Variants in MYO18B observed in about 807,000 individuals in gnomAD.
MYO18B encodes myosin XVIIIB, also known as unconventional myosin-XVIIIb.
Under a neutral mutation model 273.0 loss-of-function variants are expected in MYO18B, and 204 were observed. The ratio of observed to expected loss-of-function variants is 0.75; its 90% CI spans 0.67 to 0.84. The LOEUF is 0.84. MYO18B is among the 40% of genes least tolerant of loss of function. The pLI is 0.00. For missense variants in MYO18B, 3,212 were observed against 3,287.6 expected, an observed-to-expected ratio of 0.98 and a Z score of 0.56; for synonymous variants, 1,330 against 1,305.7, an observed-to-expected ratio of 1.02 and a Z score of -0.40.
chr22:25,877,967 T>C lies in MYO18B; in HGVS notation c.4233T>C (p.Leu1411=), dbSNP rs2091246109. ...TGTGTTTGTTTTTGTAGGAGGAGCT[T>C]ACAACGCTAAGACGGAAGCTAGAAA... ...TEQLRAKEEE[L]TTLRRKLEKS... Residue 1411 remains leucine (L), a synonymous_variant, in exon 25 of 44, where the codon CTT becomes CTC. Transcript: ENST00000335473. 6.4e-7 allele frequency: 1 copy of C among 1,573,514 alleles called. No homozygotes were observed. The highest frequency in any genetic ancestry group is 8.6e-7 in the Non-Finnish European group (1 of 1,159,008).
chr22:26,035,114 G>T (rs1264777211), downstream of MYO18B, among the ~76,000 whole-genome samples: 2 of 152,176 alleles, frequency 1.3e-5, no homozygotes, highest in African/African-American at 4.8e-5. Flanking sequence ...AACACCAGGG[G>T]TTTGGCCTAA....
chr22:25,950,518 A>ATGTG (rs59002655), intron 37 of MYO18B, 68 bp downstream of exon 37: 1,097 of 605,942 alleles, frequency 1.8e-3, no homozygotes, highest in African/African-American at 4.8e-3. Flanking sequence ...AACTAATAGG[A>ATGTG]TGTGTGTGTG....
intron 39 of MYO18B, among the ~76,000 whole-genome samples, chr22:25,962,252 G>A (rs2092925733): frequency 6.6e-6 from 1 of 152,074 alleles, no homozygotes; most frequent in African/African-American, 2.4e-5. Flanking sequence ...CCTCCTTTGT[G>A]TTCCCGTACC....
chr22:25,851,353 G>T (rs1257758592), intron 20 of MYO18B, 117 bp from the exon 21 acceptor site: 1 of 682,052 alleles, frequency 1.5e-6, no homozygotes, highest in African/African-American at 1.8e-5. Flanking sequence ...CATGCAGCAA[G>T]TTAGTAGCCA....
chr22:25,836,823 G>A (rs2089916085), intron 17 of MYO18B, among the ~76,000 whole-genome samples: 1 of 152,048 alleles, frequency 6.6e-6, no homozygotes, highest in African/African-American at 2.4e-5. Flanking sequence ...TTAGCTGGGT[G>A]TGATGGCGCA....
Position 25,815,751 on chromosome 22 carries a change from T to C in MYO18B, c.2522-7754T>C, listed in dbSNP as rs535944728. ...TGTAAATTCCGCATACATGTTGGCA[T>C]ATTCAAGGTTCTGACAAGTCCTGCA... On this transcript the variant is annotated intron_variant, in intron 12 of 43. Transcript: ENST00000335473. 1.6e-3 allele frequency among the ~76,000 whole-genome samples: 241 copies of C among 152,326 alleles called. 3 individuals are homozygous for C. The highest frequency in any genetic ancestry group is 3.5e-3 in the Admixed American group (54 of 15,294).
At chr22:25,765,704 G>GT (rs2086479675) in intron 3 of MYO18B, among the ~76,000 whole-genome samples, 1 of 152,032 alleles carries the variant, frequency 6.6e-6, no homozygotes, top group African/African-American at 2.4e-5. Context: ...GGGTGGCAGG[G>GT]TGGGGGGACC....
chr22:25,822,683 A>G (rs2089327197), intron 12 of MYO18B, among the ~76,000 whole-genome samples: 1 of 152,222 alleles, frequency 6.6e-6, no homozygotes, highest in Admixed American at 6.5e-5. Context: ...GAAGAGGTTT[A>G]TTTGGCCGGG....
At chr22:26,005,747 C>G (rs529539825) in intron 42 of MYO18B, among the ~76,000 whole-genome samples, 1 of 152,262 alleles carries the variant, frequency 6.6e-6, no homozygotes, top group African/African-American at 2.4e-5. Flanking sequence ...CCCAGACAAC[C>G]GCTTCCTGAC....
intron 20 of MYO18B, among the ~76,000 whole-genome samples, chr22:25,851,091 G>T (rs2090414015): frequency 6.6e-6 from 1 of 152,176 alleles, no homozygotes; most frequent in African/African-American, 2.4e-5. Context: ...ACGGGTTTGG[G>T]AACCTCTGGG....
intron 39 of MYO18B, among the ~76,000 whole-genome samples, chr22:25,979,313 C>T (rs973821753): frequency 2.6e-5 from 4 of 152,264 alleles, no homozygotes; most frequent in South Asian, 2.1e-4. Context: ...TCAGTATATG[C>T]GGTGCAGATA....
Position 25,903,624 on chromosome 22 carries a change from T to C in MYO18B, c.4948-7T>C, listed in dbSNP as rs371880664. The C allele has an allele frequency of 6.0e-5, 95 of 1,596,598 alleles. 1 individual carries two copies. The Middle Eastern group carries it at 1.2e-3, about 20-fold the overall frequency. On this transcript the variant is annotated splice_polypyrimidine_tract_variant and splice_region_variant and intron_variant, in intron 30 of 43. Transcript: ENST00000335473. Reference sequence around the variant, plus strand: ...ACTCCAGATCTCTGTCCTCTTTGTCTCTGTAGCAAAAGGAGCAGGAAGCCT... The same window carrying C: ...ACTCCAGATCTCTGTCCTCTTTGTCCCTGTAGCAAAAGGAGCAGGAAGCCT...
At chr22:25,806,096 A>C (rs781073230) in intron 12 of MYO18B, among the ~76,000 whole-genome samples, 2 of 152,190 alleles carry the variant, frequency 1.3e-5, no homozygotes, top group Non-Finnish European at 2.9e-5. Context: ...GGCCTGGTAC[A>C]TAGTATGTGC....
Position 25,847,580 on chromosome 22 carries a change from C to T in MYO18B, c.3703C>T (p.Leu1235=), listed in dbSNP as rs2146023704. The T allele has an allele frequency of 6.4e-7, 1 of 1,566,900 alleles. No homozygotes were observed. The highest frequency in any genetic ancestry group is 8.7e-7 in the Non-Finnish European group (1 of 1,155,894). Residue 1235 remains leucine, a synonymous_variant, in exon 20 of 44, where the codon CTG becomes TTG. Transcript: ENST00000335473. The part of the protein sequence containing the change: ...DKPGAGGPLA[L]DIPALRVQLA... ...GCCTGGGGCAGGTGGACCTCTGGCC[C>T]TGGATATCCCAGCACTGAGGGTCCA...
chr22:25,792,298 G>A (rs60992305), intron 11 of MYO18B, among the ~76,000 whole-genome samples: 2,764 of 152,034 alleles, frequency 0.018, 81 homozygotes, highest in African/African-American at 0.055. Context: ...AACAGAATAC[G>A]TGCTCAGTGA....
chr22:26,059,908 A>T, the MYO18B span, among the ~76,000 whole-genome samples: 1 of 152,238 alleles, frequency 6.6e-6, no homozygotes, highest in African/African-American at 2.4e-5. Flanking sequence ...ACGTGTTGGC[A>T]TGTCCTAAAG....
intron 33 of MYO18B, among the ~76,000 whole-genome samples, chr22:25,916,053 C>A (rs1286707453): frequency 2.0e-5 from 3 of 152,044 alleles, no homozygotes; most frequent in Non-Finnish European, 2.9e-5. Context: ...TTATTCTTTT[C>A]CTTATTGAGT....
At chr22:25,881,623 G>A (rs1215726598) in intron 25 of MYO18B, among the ~76,000 whole-genome samples, 1 of 152,158 alleles carries the variant, frequency 6.6e-6, no homozygotes. Context: ...GGGGAGATGT[G>A]CGGGGATGAG....
At position 25,835,355 on chromosome 22, in the gene MYO18B, T is replaced by C; in HGVS notation, c.3120T>C (p.Asp1040=). ...QDARGLFWVL[D]EEVHVEGSSD... The stretch of plus-strand genomic sequence containing the variant: ...CCAGAGGCCTTTTCTGGGTCTTAGA[T>C]GAGGAAGTCCATGTAGAGGGCTCCA... Residue 1040 remains aspartate, a synonymous_variant, in exon 17 of 44, where the codon GAT becomes GAC. Coordinates refer to ENST00000335473, the MANE Select transcript of MYO18B (RefSeq NM_032608.7). The C allele has an allele frequency of 1.2e-6, 2 of 1,613,882 alleles. No homozygotes were observed. The highest frequency in any genetic ancestry group is 1.7e-6 in the Non-Finnish European group (2 of 1,179,866).
Sources: gnomAD v4.1 joint callset for allele counts (sites outside exome capture counted in the v4.1 genomes callset) on GRCh38, gnomAD v4.1.1 for gene constraint, MANE v1.5 for transcripts, NCBI Gene and HGNC (gene_info 2026-07-23, HGNC 2026-07-21) for gene names.